STMN1: variants seen among roughly 807,000 people sequenced by gnomAD.
STMN1 encodes stathmin 1.
A neutral mutation model predicts 19.7 loss-of-function variants in STMN1; 3 were observed. The observed-to-expected ratio is 0.15, with a 90% confidence interval of 0.07 to 0.39. The LOEUF (loss-of-function observed/expected upper bound fraction) is 0.39. Ranked by LOEUF, STMN1 falls within the 10% of genes least tolerant of loss-of-function variation. STMN1 has a pLI of 1.00. For missense variants in STMN1, 99 were observed against 176.0 expected (o/e 0.56, Z 2.48); for synonymous variants, 59 against 58.9 (o/e 1.00, Z -0.01).
At chr1:25,889,863 T>G (rs1195373137) in intron 4 of STMN1, among the ~76,000 whole-genome samples, 2 of 152,188 alleles carry the variant, frequency 1.3e-5, no homozygotes, top group Non-Finnish European at 2.9e-5. Context: ...GGGCCTCACT[T>G]AGGCTCCTTC....
intron 4 of STMN1, among the ~76,000 whole-genome samples, chr1:25,892,026 G>T (rs1417884325): frequency 6.6e-6 from 1 of 152,206 alleles, no homozygotes; most frequent in East Asian, 1.9e-4. Context: ...ATACTATTCT[G>T]TGTGACTCTA....
At chr1:25,887,725 T>C (rs2048735845) in intron 4 of STMN1, 1 of 183,606 alleles carries the variant, frequency 5.4e-6, no homozygotes, top group African/African-American at 2.4e-5. Context: ...TCTCGCTCTG[T>C]CGCCAGGCTG....
Position 25,901,530 on chromosome 1 carries a change from C to T in STMN1, c.339G>A (p.Glu113=). 6.2e-7 allele frequency: 1 copy of T among 1,611,648 alleles called. No individual in the cohort carries two copies. The highest frequency in any genetic ancestry group is 2.2e-5 in the East Asian group (1 of 44,802). The change falls in exon 4 of 5, where the codon GAG becomes GAA. Residue 113 remains glutamate (E), a synonymous_variant. Coordinates refer to ENST00000455785, the MANE Select transcript of STMN1 (RefSeq NM_005563.4). Reference sequence around the variant, plus strand: ...GTTCCAGTTTGGCAGCCATTTGTGCCTCTCGGTTCTCTTTATTAGCTTCCA... The same window carrying T: ...GTTCCAGTTTGGCAGCCATTTGTGCTTCTCGGTTCTCTTTATTAGCTTCCA... ...HKMEANKENR[E]AQMAAKLERL... is the part of the protein sequence containing the mutation.
At chr1:25,892,029 T>C (rs1300149754) in intron 4 of STMN1, among the ~76,000 whole-genome samples, 4 of 152,246 alleles carry the variant, frequency 2.6e-5, no homozygotes, top group Admixed American at 6.5e-5. Context: ...CTATTCTGTG[T>C]GACTCTAAAA....
downstream of STMN1, among the ~76,000 whole-genome samples, chr1:25,898,869 G>T (rs544497628): frequency 1.8e-4 from 28 of 152,334 alleles, no homozygotes; most frequent in Non-Finnish European, 3.5e-4. Context: ...AAGCTCGTAG[G>T]TGCCACCGCT....
At chr1:25,884,181 C>T (rs1354815516), downstream of STMN1, 6 of 152,168 alleles carry the variant, frequency 3.9e-5, no homozygotes, top group Non-Finnish European at 8.8e-5. Flanking sequence ...CTGACATCTT[C>T]AAACTACAAA....
At position 25,900,234 on chromosome 1, in the gene STMN1, G is replaced by C. The variant is rs2048855636; in HGVS notation, c.*782C>G. On this transcript the variant is annotated 3_prime_UTR_variant, in exon 5 of 5. Coordinates refer to ENST00000455785, the MANE Select transcript of STMN1 (RefSeq NM_005563.4). ...CGTAGAGCAAGCAAACCACCAAGTAGAATCTTGAGATTCTCTCTCAACTGT... is the reference window on the plus strand; with the variant it reads ...CGTAGAGCAAGCAAACCACCAAGTACAATCTTGAGATTCTCTCTCAACTGT... 2.0e-6 allele frequency: 2 copies of C among 985,852 alleles called. No individual in the cohort carries two copies. Among genetic ancestry groups the C allele is most frequent in the African/African-American group, 1.7e-5 (1 of 57,348 alleles). 61.1% of individuals were successfully genotyped at this position (985,852 alleles called of 1,614,324 possible). A position where few individuals can be genotyped will look rare whatever the true frequency, so the allele number is the denominator to read the frequency against.
downstream of STMN1, among the ~76,000 whole-genome samples, chr1:25,898,019 A>G (rs1304253699): frequency 6.6e-6 from 1 of 152,080 alleles, no homozygotes; most frequent in Non-Finnish European, 1.5e-5. Flanking sequence ...CACCATGGCC[A>G]CCGTAGCCTG....
At chr1:25,904,449 C>A (rs1165113437) in intron 2 of STMN1, among the ~76,000 whole-genome samples, 1 of 152,202 alleles carries the variant, frequency 6.6e-6, no homozygotes, top group African/African-American at 2.4e-5. Flanking sequence ...GCAAACTCCA[C>A]AATTTTGCTT....
intron 4 of STMN1, 30 bp from the exon 5 acceptor site, chr1:25,901,117 C>CAAAAAAA (rs58316569): frequency 5.5e-5 from 66 of 1,204,886 alleles, no homozygotes; most frequent in Admixed American, 3.0e-4. Context: ...TGTCATCAGT[C>CAAAAAAA]AAAAAAAAAA....
intron 4 of STMN1, among the ~76,000 whole-genome samples, chr1:25,886,821 C>T (rs943088207): frequency 1.3e-5 from 2 of 151,970 alleles, no homozygotes; most frequent in African/African-American, 4.8e-5. Context: ...CTCTTGAACT[C>T]GTGATCTGCC....
At chr1:25,885,875 A>G in intron 4 of STMN1, 1 of 1,539,620 alleles carries the variant, frequency 6.5e-7, no homozygotes, top group Non-Finnish European at 8.8e-7. Flanking sequence ...TACATCTGGA[A>G]GAAAAAGAAA....
rs770687883 is a variant in STMN1 at position 25,901,069 on chromosome 1, C to G, written c.397G>C (p.Val133Leu). The change falls in exon 5 of 5, where the codon GTG becomes CTG. Residue 133 changes from valine (V) to leucine (L), a missense_variant. Physicochemically the swap from Val to Leu is conservative, Grantham distance 32. Transcript: ENST00000455785. ...TCTTTGGATTCTTTGTTCTTCCGCA[C>G]TTCTTCAATGTGCTTATCCTGTAAA... ...LREKDKHIEEVRKNKESKDPA... is the reference protein window; with the variant it reads ...LREKDKHIEELRKNKESKDPA... 6.3e-7 allele frequency: 1 copy of G among 1,588,368 alleles called. No homozygotes were observed. The highest frequency in any genetic ancestry group is 1.4e-5 in the African/African-American group (1 of 71,732).
In STMN1 at chr1:25,901,812, C is replaced by A; in HGVS notation, c.187-130G>T. The A allele has an allele frequency of 5.1e-6, 4 of 788,656 alleles. 1 individual carries two copies. In the South Asian group the frequency reaches 9.3e-5, roughly 18 times the overall value. The allele number at this position is 788,656 out of a possible 1,614,324, so 48.9% of individuals were successfully genotyped here. On this transcript the variant is annotated intron_variant, in intron 3 of 4. Transcript: ENST00000455785. ...ATCATTTGAGGTCAGGAGTTCAAGA[C>A]CAGCCTGGCCAACATGGTGAAATCC...
At chr1:25,894,635 G>C (rs1006115322) in intron 4 of STMN1, among the ~76,000 whole-genome samples, 2 of 152,156 alleles carry the variant, frequency 1.3e-5, no homozygotes, top group African/African-American at 4.8e-5. Flanking sequence ...AGCTGTGTTT[G>C]CACCACTGCA....
rs2048858512 is a variant in STMN1, at chr1:25,900,444, C to T, written c.*572G>A. The T allele has an allele frequency of 1.3e-5, 13 of 985,848 alleles. No homozygotes were observed. Among genetic ancestry groups the T allele is most frequent in the Non-Finnish European group, 1.6e-5 (13 of 829,978 alleles). The allele number at this position is 985,848 out of a possible 1,614,324, so 61.1% of individuals were successfully genotyped here. A position where few individuals can be genotyped will look rare whatever the true frequency, so the allele number is the denominator to read the frequency against. ...CTGGGGCAAGAAACGGGGCAGAGAA[C>T]GTGCGGTCATTTGTGCGTTGGGTAT... is the stretch of plus-strand genomic sequence containing the variant. On this transcript the variant is annotated 3_prime_UTR_variant, in exon 5 of 5. Coordinates refer to ENST00000455785, the MANE Select transcript of STMN1 (RefSeq NM_005563.4).
At position 25,900,758 on chromosome 1, in the gene STMN1, T is replaced by C; in HGVS notation, c.*258A>G. 7.7e-7 allele frequency: 1 copy of C among 1,300,300 alleles called. No individual in the cohort carries two copies. Among genetic ancestry groups the C allele is most frequent in the Non-Finnish European group, 9.8e-7 (1 of 1,024,358 alleles). 80.5% of individuals were successfully genotyped at this position (1,300,300 alleles called of 1,614,324 possible). On this transcript the variant is annotated 3_prime_UTR_variant, in exon 5 of 5. Transcript: ENST00000455785. ...AGCCATTAACCCAGTACACCAAGTG[T>C]ACTGAAGTAGAAAAGATGCAACAAG...
At position 25,904,710 on chromosome 1, in the gene STMN1, C is replaced by G. The variant is rs1242333181; in HGVS notation, c.-34G>C. ...GAAGACAAGCGACAGGCAGTGTATT[C>G]TGCACAATCAACTGGGATAAGGAAA... On this transcript the variant is annotated 5_prime_UTR_variant, in exon 2 of 5. Transcript: ENST00000455785. The G allele has an allele frequency of 6.2e-7, 1 of 1,610,070 alleles. No individual in the cohort carries two copies. Among genetic ancestry groups the G allele is most frequent in the Admixed American group, 1.7e-5 (1 of 58,880 alleles).
intron 3 of STMN1, chr1:25,901,976 C>T (rs2048880635): frequency 9.6e-6 from 2 of 207,914 alleles, no homozygotes; most frequent in Non-Finnish European, 9.5e-6. Flanking sequence ...TGCCACTGCA[C>T]TCCACCCTGG....
Sources: gnomAD v4.1 joint callset for allele counts (sites outside exome capture counted in the v4.1 genomes callset) on GRCh38, gnomAD v4.1.1 for gene constraint, MANE v1.5 for transcripts, NCBI Gene and HGNC (gene_info 2026-07-23, HGNC 2026-07-21) for gene names.